The following SEMA3A variants were observed in gnomAD, a reference collection of about 807,000 sequenced individuals.
The protein encoded by SEMA3A is semaphorin-3A.
A neutral mutation model predicts 97.9 loss-of-function variants in SEMA3A; 29 were observed. That is an observed-to-expected ratio of 0.30 (90% CI 0.22 to 0.40). The LOEUF is 0.40. SEMA3A is among the 10% of genes least tolerant of loss of function. The probability of loss-of-function intolerance (pLI) is 1.00; values close to 1 mark genes in which losing one functional copy is unlikely to be tolerated. For synonymous variants in SEMA3A, 321 were observed against 323.7 expected, an observed-to-expected ratio of 0.99 and a Z score of 0.09; for missense variants, 763 against 951.3, an observed-to-expected ratio of 0.80 and a Z score of 2.60.
intron 1 of SEMA3A, among the ~76,000 whole-genome samples, chr7:84,374,735 A>G (rs551336911): frequency 1.3e-5 from 2 of 152,354 alleles, no homozygotes; most frequent in African/African-American, 2.4e-5. Context: ...TTCTAATAAT[A>G]TAATTGGCCT....
chr7:84,217,394 C>T (rs1361218379), intron 3 of SEMA3A, among the ~76,000 whole-genome samples: 2 of 152,074 alleles, frequency 1.3e-5, no homozygotes, highest in Non-Finnish European at 2.9e-5. Flanking sequence ...TAAAAGGAAA[C>T]AAAGTCATTA....
chr7:84,348,073 T>A (rs1357071947), intron 2 of SEMA3A, among the ~76,000 whole-genome samples: 2 of 152,164 alleles, frequency 1.3e-5, no homozygotes, highest in African/African-American at 4.8e-5. Context: ...ACTCTGCATT[T>A]TCTGCTCAAT....
chr7:84,149,701 A>G (rs1796570292), intron 1 of SEMA3A, among the ~76,000 whole-genome samples: 1 of 152,230 alleles, frequency 6.6e-6, no homozygotes, highest in Non-Finnish European at 1.5e-5. Flanking sequence ...ACAAAGGCAA[A>G]ACAAAAACAA....
rs570216791 is a variant in SEMA3A, at chr7:84,211,829, G to C, written c.-82-17161C>G. 2.0e-5 allele frequency among the ~76,000 whole-genome samples: 3 copies of C among 152,272 alleles called. No homozygotes were observed. The East Asian group carries it at 5.8e-4, about 29-fold the overall frequency. On this transcript the variant is annotated intron_variant, in intron 3 of 3. Transcript: ENST00000424555. ...GAATTCATTTAAAGCTCACATGCCA[G>C]AGACAAAAATTGGTCTATATGTGGG...
intron 3 of SEMA3A, among the ~76,000 whole-genome samples, chr7:84,222,186 A>G (rs1045653931): frequency 2.6e-5 from 4 of 151,994 alleles, no homozygotes; most frequent in African/African-American, 4.8e-5. Context: ...AAATGAAAAA[A>G]TGATCTAACA....
At chr7:83,995,136 G>A (rs1416297340) in intron 12 of SEMA3A, among the ~76,000 whole-genome samples, 6 of 152,144 alleles carry the variant, frequency 3.9e-5, no homozygotes, top group Non-Finnish European at 8.8e-5. Context: ...CTGACCCCTT[G>A]CGCTTCCCAA....
At chr7:84,205,238 C>T (rs1798460961) in intron 3 of SEMA3A, among the ~76,000 whole-genome samples, 1 of 152,170 alleles carries the variant, frequency 6.6e-6, no homozygotes, top group South Asian at 2.1e-4. Flanking sequence ...TCTCATAGGT[C>T]AATAGCACTC....
rs1041952613 is a variant in SEMA3A at position 84,002,361 on chromosome 7, T to C, written c.1361-315A>G. Among the ~76,000 whole-genome samples, 9 of 152,170 alleles carry C rather than the reference T, an allele frequency of 5.9e-5. 1 individual carries two copies. In the East Asian group the frequency reaches 1.7e-3, roughly 29 times the overall value. On this transcript the variant is annotated intron_variant, in intron 11 of 16. Coordinates refer to ENST00000265362, the MANE Select transcript of SEMA3A (RefSeq NM_006080.3). ...AAAATATAATAATTATTACAGAGAT[T>C]GCCTGGATTGGATCAATTCTTTTCA...
chr7:84,223,095 G>T (rs1798916504), intron 3 of SEMA3A, among the ~76,000 whole-genome samples: 1 of 151,870 alleles, frequency 6.6e-6, no homozygotes, highest in Non-Finnish European at 1.5e-5. Context: ...ACTAAGAAAA[G>T]ATTTGCACCT....
chr7:84,408,384 C>T (rs1425348947), intron 1 of SEMA3A, among the ~76,000 whole-genome samples: 2 of 151,780 alleles, frequency 1.3e-5, no homozygotes, highest in Non-Finnish European at 2.9e-5. Context: ...ATTAAAAAGT[C>T]AGGAAACAAC....
intron 1 of SEMA3A, among the ~76,000 whole-genome samples, chr7:84,468,735 T>A (rs937346632): frequency 6.6e-6 from 1 of 152,126 alleles, no homozygotes; most frequent in Non-Finnish European, 1.5e-5. Flanking sequence ...TCAGTATAAA[T>A]TGGTGCTAAA....
intron 12 of SEMA3A, among the ~76,000 whole-genome samples, chr7:83,991,901 G>C (rs1414021544): frequency 1.4e-5 from 2 of 147,582 alleles, no homozygotes; most frequent in Non-Finnish European, 3.0e-5. Flanking sequence ...AATGGTACCA[G>C]TTCCTCCTTG....
intron 3 of SEMA3A, among the ~76,000 whole-genome samples, chr7:84,261,605 A>G (rs1425838762): frequency 2.0e-5 from 3 of 152,248 alleles, no homozygotes; most frequent in Non-Finnish European, 4.4e-5. Context: ...AGCCTTGCAC[A>G]GAGCCAGCAC....
rs181191635 is a variant in SEMA3A, at chr7:84,399,509, G to A, written c.-245-27609C>T. ...AATGCCAGACAGTGCACTGTAGACAGAGACTCCTTCAATTTGGATGAAAGA... is the reference window on the plus strand; with the variant it reads ...AATGCCAGACAGTGCACTGTAGACAAAGACTCCTTCAATTTGGATGAAAGA... On this transcript the variant is annotated intron_variant, in intron 1 of 3. Coordinates refer to the SEMA3A transcript ENST00000424555. Among the ~76,000 whole-genome samples, 155 of 152,260 alleles carry A rather than the reference G, an allele frequency of 1.0e-3. 1 individual carries two copies. The highest frequency in any genetic ancestry group is 4.1e-3 in the Admixed American group (63 of 15,304).
chr7:84,440,316 C>T (rs933224010), intron 1 of SEMA3A, among the ~76,000 whole-genome samples: 3 of 152,160 alleles, frequency 2.0e-5, no homozygotes, highest in Non-Finnish European at 2.9e-5. Flanking sequence ...TCTTCCACCC[C>T]TCAGCACCAT....
At chr7:84,181,344 C>T (rs1423405914) in intron 1 of SEMA3A, among the ~76,000 whole-genome samples, 1 of 148,480 alleles carries the variant, frequency 6.7e-6, no homozygotes, top group Non-Finnish European at 1.5e-5. Flanking sequence ...ATATATAACA[C>T]ACATATACAT....
chr7:84,031,105 G>A (rs976590901), intron 6 of SEMA3A, among the ~76,000 whole-genome samples: 1 of 147,856 alleles, frequency 6.8e-6, no homozygotes, highest in Admixed American at 7.0e-5. Flanking sequence ...CGATTCCCAT[G>A]CCTGAGCCTC....
At chr7:84,354,584 T>C (rs988838493) in intron 2 of SEMA3A, among the ~76,000 whole-genome samples, 24 of 151,804 alleles carry the variant, frequency 1.6e-4, no homozygotes, top group African/African-American at 5.5e-4. Context: ...TGTTAAGTCA[T>C]ATGCACAATG....
chr7:84,190,074 T>C (rs1313414440), intron 1 of SEMA3A, among the ~76,000 whole-genome samples: 1 of 151,744 alleles, frequency 6.6e-6, no homozygotes, highest in African/African-American at 2.4e-5. Flanking sequence ...TGAATATCAT[T>C]ATTAAAGCTG....
Sources: gnomAD v4.1 joint callset for allele counts (sites outside exome capture counted in the v4.1 genomes callset) on GRCh38, gnomAD v4.1.1 for gene constraint, MANE v1.5 for transcripts, NCBI Gene and HGNC (gene_info 2026-07-23, HGNC 2026-07-21) for gene names.